PCMTD2: variants seen among roughly 807,000 people sequenced by gnomAD.
PCMTD2 encodes the protein protein-L-isoaspartate (D-aspartate) O-methyltransferase domain containing 2, also known as protein-L-isoaspartate O-methyltransferase domain-containing protein 2.
PCMTD2 carries 16 observed loss-of-function variants against 33.4 expected under a neutral mutation model. That is an observed-to-expected ratio of 0.48 (90% CI 0.32 to 0.73). The LOEUF (loss-of-function observed/expected upper bound fraction) is 0.73, where lower values mean the gene tolerates loss of function less well. PCMTD2 is among the 30% of genes least tolerant of loss of function. The probability of loss-of-function intolerance (pLI) is 0.03; values close to 1 mark genes in which losing one functional copy is unlikely to be tolerated. For missense variants in PCMTD2, 374 were observed against 449.9 expected, an observed-to-expected ratio of 0.83 and a Z score of 1.53; for synonymous variants, 161 against 160.8, an observed-to-expected ratio of 1.00 and a Z score of -0.01.
At chr20:64,268,596 C>T (rs750888748) in intron 5 of PCMTD2, among the ~76,000 whole-genome samples, 4 of 152,096 alleles carry the variant, frequency 2.6e-5, no homozygotes, top group South Asian at 2.1e-4. Context: ...AAAATTTAAA[C>T]GGCTCACACA....
In PCMTD2 at chr20:64,274,428, T is replaced by C. The variant is rs1176574536; in HGVS notation, c.*828T>C. The C allele has an allele frequency of 6.6e-6, 1 of 152,084 alleles. No homozygotes were observed. Among genetic ancestry groups the C allele is most frequent in the African/African-American group, 2.4e-5 (1 of 41,376 alleles). The allele number at this position is 152,084 out of a possible 1,614,324, so 9.4% of individuals were successfully genotyped here. On this transcript the variant is annotated 3_prime_UTR_variant, in exon 6 of 6. Transcript: ENST00000308824. ...GTGTAAGCAATAAGTGAAGTTACAT[T>C]TGCCCTAACCCTAGGGATGATTCTT...
At chr20:64,268,395 C>A (rs904610428) in intron 5 of PCMTD2, among the ~76,000 whole-genome samples, 3 of 152,226 alleles carry the variant, frequency 2.0e-5, no homozygotes, top group African/African-American at 7.2e-5. Context: ...CTCCCCAGGG[C>A]GCCAAGCGCC....
At position 64,267,993 on chromosome 20, in the gene PCMTD2, C is replaced by T; in HGVS notation, c.689C>T (p.Ser230Leu). 6.2e-7 allele frequency: 1 copy of T among 1,612,488 alleles called. No homozygotes were observed. Among genetic ancestry groups the T allele is most frequent in the Non-Finnish European group, 8.5e-7 (1 of 1,178,660 alleles). The change falls in exon 5 of 6, where the codon TCA becomes TTA. Residue 230 changes from serine to leucine, a missense_variant. Transcript: ENST00000308824. Reference protein sequence around the residue: ...IQPCHSESGKSRLVQLPPVAV... With the variant: ...IQPCHSESGKLRLVQLPPVAV... The stretch of plus-strand genomic sequence containing the variant: ...CCCTGCCATTCAGAGTCAGGAAAAT[C>T]AAGACTTGTCCAGTTACGTAAGTAT...
intron 5 of PCMTD2, chr20:64,272,231 G>C (rs1024545253): frequency 4.3e-6 from 2 of 462,886 alleles, no homozygotes; most frequent in Admixed American, 4.7e-5. Flanking sequence ...TCTGACTTTG[G>C]TAATAAACGT....
Position 64,275,303 on chromosome 20 carries a change from TCTAA to T in PCMTD2, c.*1706_*1709del, listed in dbSNP as rs1479609690. The T allele has an allele frequency of 6.6e-6, 1 of 152,218 alleles. No homozygotes were observed. Among genetic ancestry groups the T allele is most frequent in the Non-Finnish European group, 1.5e-5 (1 of 68,028 alleles). The allele number at this position is 152,218 out of a possible 1,614,324, so 9.4% of individuals were successfully genotyped here. The stretch of plus-strand genomic sequence containing the variant: ...GTTTGGAGATCCTTGTGGGCATTAT[TCTAA>T]CTGATACGTAGACACTTACTTGGAA... On this transcript the variant is annotated 3_prime_UTR_variant, in exon 6 of 6. Transcript: ENST00000308824.
rs372255786 is a variant in PCMTD2, at chr20:64,260,004, G to A, written c.39G>A (p.Glu13=). Residue 13 remains glutamate, a synonymous_variant, in exon 2 of 6, where the codon GAG becomes GAA. Transcript: ENST00000308824. ...GAVSAGEDND[E]LIDNLKEAQY... Reference sequence around the variant, plus strand: ...TGAGTGCTGGTGAAGACAATGATGAGCTGATAGATAATTTGAAAGAAGCAC... The same window carrying A: ...TGAGTGCTGGTGAAGACAATGATGAACTGATAGATAATTTGAAAGAAGCAC... 13 of 1,613,188 alleles carry A rather than the reference G, an allele frequency of 8.1e-6. No homozygotes were observed. Among genetic ancestry groups the A allele is most frequent in the Non-Finnish European group, 1.0e-5 (12 of 1,179,142 alleles).
rs1259728043 is a variant in PCMTD2, at chr20:64,275,484, G to T, written c.*1884G>T. 6.6e-6 allele frequency: 1 copy of T among 152,094 alleles called. No individual in the cohort carries two copies. Among genetic ancestry groups the T allele is most frequent in the Non-Finnish European group, 1.5e-5 (1 of 68,012 alleles). The allele number at this position is 152,094 out of a possible 1,614,324, so 9.4% of individuals were successfully genotyped here. Reference sequence around the variant, plus strand: ...AGATTGTAAAAAATTATATTAGAATGCATAAGACATGTTTTTCCTTCATAT... The same window carrying T: ...AGATTGTAAAAAATTATATTAGAATTCATAAGACATGTTTTTCCTTCATAT... On this transcript the variant is annotated 3_prime_UTR_variant, in exon 6 of 6. Transcript: ENST00000308824.
chr20:64,262,077 AC>A (rs1985440852), intron 2 of PCMTD2, among the ~76,000 whole-genome samples: 1 of 152,106 alleles, frequency 6.6e-6, no homozygotes, highest in Admixed American at 6.5e-5. Context: ...ACGTGGTGAA[AC>A]CCTGTCCCTA....
intron 1 of PCMTD2, among the ~76,000 whole-genome samples, chr20:64,256,096 C>G (rs968718811): frequency 2.0e-5 from 3 of 152,158 alleles, no homozygotes; most frequent in African/African-American, 7.2e-5. Flanking sequence ...TCCCGTCGGT[C>G]TCTCCCGGTG....
At chr20:64,261,729 C>T (rs1410964148) in intron 2 of PCMTD2, among the ~76,000 whole-genome samples, 7 of 150,550 alleles carry the variant, frequency 4.6e-5, no homozygotes, top group Admixed American at 2.0e-4. Context: ...GCTTTTTGAC[C>T]GTAACTTCTC....
intron 3 of PCMTD2, 86 bp downstream of exon 3, chr20:64,264,617 A>G: frequency 1.4e-6 from 1 of 725,456 alleles, no homozygotes; most frequent in Non-Finnish European, 2.5e-6. Flanking sequence ...ATCATGTGGT[A>G]GGAAACATAA....
Position 64,274,003 on chromosome 20 carries a change from A to G in PCMTD2, c.*403A>G, listed in dbSNP as rs904996354. On this transcript the variant is annotated 3_prime_UTR_variant, in exon 6 of 6. Transcript: ENST00000308824. ...AAGTGGAAACTAACCTGTGTTGCTT[A>G]TAAAGTGTGAAAGCACAAGCTTATA... 6.2e-6 allele frequency: 1 copy of G among 161,556 alleles called. No homozygotes were observed. Among genetic ancestry groups the G allele is most frequent in the Non-Finnish European group, 1.3e-5 (1 of 74,768 alleles). The allele number at this position is 161,556 out of a possible 1,614,324, so 10.0% of individuals were successfully genotyped here. A position where few individuals can be genotyped will look rare whatever the true frequency, so the allele number is the denominator to read the frequency against.
In PCMTD2 at chr20:64,259,927, C is replaced by T; in HGVS notation, c.-24-15C>T. On this transcript the variant is annotated splice_polypyrimidine_tract_variant and intron_variant, in intron 1 of 5. Transcript: ENST00000308824. ...TTTAACATAAATCGCTCTTTTTAAA[C>T]ATTTTTAATTATAGTATTGCCTAAG... is the stretch of plus-strand genomic sequence containing the variant. 7.2e-7 allele frequency: 1 copy of T among 1,388,494 alleles called. No individual in the cohort carries two copies. Among genetic ancestry groups the T allele is most frequent in the Non-Finnish European group, 1.0e-6 (1 of 989,718 alleles). The allele number at this position is 1,388,494 out of a possible 1,614,324, so 86.0% of individuals were successfully genotyped here.
rs559928235 is a variant in PCMTD2, at chr20:64,269,799, G to A, written c.706+1789G>A. On this transcript the variant is annotated intron_variant, in intron 5 of 5. Transcript: ENST00000308824. ...GGGTAATGTGTGTGTGGGTGTGCGCGGTGTGGGGTCATGTGAATGTGGGCA... is the reference window on the plus strand; with the variant it reads ...GGGTAATGTGTGTGTGGGTGTGCGCAGTGTGGGGTCATGTGAATGTGGGCA... Among the ~76,000 whole-genome samples, 28 of 151,418 alleles carry A rather than the reference G, an allele frequency of 1.8e-4. 1 individual carries two copies. Among genetic ancestry groups the A allele is most frequent in the Admixed American group, 3.3e-4 (5 of 15,200 alleles).
chr20:64,263,542 A>AT (rs1365089307), intron 2 of PCMTD2, among the ~76,000 whole-genome samples: 3 of 152,288 alleles, frequency 2.0e-5, no homozygotes, highest in South Asian at 4.2e-4. Flanking sequence ...GTGCCTTGTG[A>AT]TTTTTACATG....
rs1026970487 is a variant in PCMTD2, at chr20:64,274,430, G to T, written c.*830G>T. 13 of 151,522 alleles carry T rather than the reference G, an allele frequency of 8.6e-5. No homozygotes were observed. The highest frequency in any genetic ancestry group is 1.8e-4 in the Non-Finnish European group (12 of 67,982). 9.4% of individuals were successfully genotyped at this position (151,522 alleles called of 1,614,324 possible). On this transcript the variant is annotated 3_prime_UTR_variant, in exon 6 of 6. Transcript: ENST00000308824. ...GTAAGCAATAAGTGAAGTTACATTT[G>T]CCCTAACCCTAGGGATGATTCTTTA...
chr20:64,257,198 G>A (rs542154812), intron 1 of PCMTD2: 47 of 152,288 alleles, frequency 3.1e-4, no homozygotes, highest in African/African-American at 1.0e-3. Flanking sequence ...GTGATCTTCC[G>A]TATGTCGCCT....
chr20:64,261,247 T>G (rs1985403687), intron 2 of PCMTD2, among the ~76,000 whole-genome samples: 1 of 151,626 alleles, frequency 6.6e-6, no homozygotes. Flanking sequence ...GCCGGAGGGG[T>G]GATAGGAGCT....
intron 1 of PCMTD2, among the ~76,000 whole-genome samples, chr20:64,257,607 G>T (rs968747900): frequency 6.6e-6 from 1 of 152,148 alleles, no homozygotes; most frequent in Admixed American, 6.5e-5. Context: ...TTCAGTGCGA[G>T]GGAGTGTTAG....
Sources: gnomAD v4.1 joint callset for allele counts (sites outside exome capture counted in the v4.1 genomes callset) on GRCh38, gnomAD v4.1.1 for gene constraint, MANE v1.5 for transcripts, NCBI Gene and HGNC (gene_info 2026-07-23, HGNC 2026-07-21) for gene names.